ATP1A3: variants seen among roughly 807,000 people sequenced by gnomAD.
ATP1A3 encodes ATPase Na+/K+ transporting subunit alpha 3, also known as sodium/potassium-transporting ATPase subunit alpha-3.
In ATP1A3, 12 loss-of-function variants were observed where a neutral mutation model predicts 108.8. The ratio of observed to expected loss-of-function variants is 0.11; its 90% CI spans 0.07 to 0.18. The LOEUF (loss-of-function observed/expected upper bound fraction) is 0.18. ATP1A3 is among the 10% of genes least tolerant of loss of function. The pLI, the probability that ATP1A3 is intolerant of heterozygous loss-of-function variation, is 1.00. For missense variants in ATP1A3, 498 were observed against 1,387.7 expected, an observed-to-expected ratio of 0.36 and a Z score of 10.19; for synonymous variants, 539 against 564.5, an observed-to-expected ratio of 0.95 and a Z score of 0.64.
In ATP1A3 at chr19:41,985,460, G is replaced by C; in HGVS notation, c.607-37C>G. On this transcript the variant is annotated intron_variant, in intron 6 of 22. Transcript: ENST00000648268. The surrounding 1 kb of genome is among the most constrained non-coding windows in gnomAD (Gnocchi z 8.2). ...TGCAGCAGAGAGAGGGTTCAGTCCAGGGCCTGGGACAGGAGGGTATTTGTG... is the reference window on the plus strand; with the variant it reads ...TGCAGCAGAGAGAGGGTTCAGTCCACGGCCTGGGACAGGAGGGTATTTGTG... The C allele has an allele frequency of 1.3e-6, 2 of 1,576,630 alleles. No homozygotes were observed. The highest frequency in any genetic ancestry group is 1.7e-6 in the Non-Finnish European group (2 of 1,146,064).
At chr19:41,973,798 G>A (rs1284567765) in intron 16 of ATP1A3, among the ~76,000 whole-genome samples, 5 of 152,204 alleles carry the variant, frequency 3.3e-5, no homozygotes, top group South Asian at 4.1e-4. Flanking sequence ...CACAAGATTC[G>A]GAAGGAGCAG....
intron 8 of ATP1A3, among the ~76,000 whole-genome samples, chr19:41,983,036 T>C (rs1002009582): frequency 6.6e-6 from 1 of 152,192 alleles, no homozygotes; most frequent in African/African-American, 2.4e-5. Flanking sequence ...AAAAATCCAT[T>C]TGACATAGGG....
intron 1 of ATP1A3, 36 bp downstream of exon 1, chr19:41,994,035 C>T (rs1451224688): frequency 6.2e-7 from 1 of 1,609,126 alleles, no homozygotes; most frequent in Non-Finnish European, 8.5e-7. Context: ...CCCACAATGT[C>T]ACACGGAAGC....
intron 1 of ATP1A3, 192 bp downstream of exon 1, chr19:41,993,879 T>C (rs1045457700): frequency 2.1e-5 from 22 of 1,029,844 alleles, no homozygotes; most frequent in Non-Finnish European, 3.1e-5. Flanking sequence ...CATGCCAACG[T>C]GCGCCACAGA....
chr19:41,980,065 C>T (rs933841306), intron 11 of ATP1A3, among the ~76,000 whole-genome samples: 4 of 152,176 alleles, frequency 2.6e-5, no homozygotes, highest in African/African-American at 7.2e-5. Context: ...TGTTCAGATG[C>T]GTCAGCACAC....
chr19:41,977,983 C>T lies in ATP1A3; in HGVS notation c.1896G>A (p.Glu632=). The change falls in exon 14 of 23, where the codon GAG becomes GAA. Residue 632 remains glutamate, a synonymous_variant. Coordinates refer to ENST00000648268, the MANE Select transcript of ATP1A3 (RefSeq NM_152296.5). ...GIISEGNETV[E]DIAARLNIPV... is the part of the protein sequence containing the mutation. ...GAATGTTGAGCCGGGCGGCGATGTC[C>T]TCCACAGTCTCGTTGCCCTCAGAGA... 6.2e-7 allele frequency: 1 copy of T among 1,614,260 alleles called. No individual in the cohort carries two copies.
intron 16 of ATP1A3, 100 bp from the exon 17 acceptor site, chr19:41,970,642 T>A (rs1249813001): frequency 7.0e-7 from 1 of 1,420,254 alleles, no homozygotes; most frequent in Non-Finnish European, 9.5e-7. Flanking sequence ...TTTTTTTTTT[T>A]TTTTTTTGAG....
chr19:41,981,747 C>T lies in ATP1A3; in HGVS notation c.1277G>A (p.Gly426Asp), dbSNP rs2145971948. ...GLCNRAVFKG[G>D]QDNIPVLKRD... The stretch of plus-strand genomic sequence containing the variant: ...CTTGAGCACAGGGATGTTGTCCTGA[C>T]CACCCTTGAAGACAGCGCGATTGCA... The change falls in exon 10 of 23, where the codon GGT (glycine) becomes GAT (aspartate). Residue 426 changes from glycine to aspartate, a missense_variant. By Grantham distance (94) the Gly-to-Asp change is moderately conservative. Around this residue, in one of 9 missense-constraint regions of ATP1A3, gnomAD observed 36 missense variants for 58.7 expected, o/e 0.61. Coordinates refer to ENST00000648268, the MANE Select transcript of ATP1A3 (RefSeq NM_152296.5). This position sits in a 1 kb window ranked among gnomAD's most constrained non-coding sequence, Gnocchi z 5.0. 1.9e-6 allele frequency: 3 copies of T among 1,614,222 alleles called. No individual in the cohort carries two copies. Among genetic ancestry groups the T allele is most frequent in the Non-Finnish European group, 2.5e-6 (3 of 1,180,048 alleles).
rs538322017 is a variant in ATP1A3, at chr19:41,975,824, ACCCAGAGGCCAGTC to A, written c.2095-41_2095-28del. The A allele has an allele frequency of 1.4e-3, 2,212 of 1,613,596 alleles. 5 individuals are homozygous for A. The highest frequency in any genetic ancestry group is 1.7e-3 in the Non-Finnish European group (1,971 of 1,179,726). On this transcript the variant is annotated intron_variant, in intron 15 of 22. Coordinates refer to ENST00000648268, the MANE Select transcript of ATP1A3 (RefSeq NM_152296.5). ...TGGAGGGAGAGAGGGTAAGGATGAC[ACCCAGAGGCCAGTC>A]CCCAGAGTCCCCTCCCTCAGATCCA...
At chr19:41,984,647 G>C (rs2075269310) in intron 8 of ATP1A3, 2 of 442,950 alleles carry the variant, frequency 4.5e-6, no homozygotes, top group Admixed American at 3.8e-5. Flanking sequence ...ATTTTTGTTT[G>C]TTTCTTTCTT....
chr19:41,970,450 C>A lies in ATP1A3; in HGVS notation c.2356G>T (p.Ala786Ser). 6.2e-7 allele frequency: 1 copy of A among 1,613,978 alleles called. No individual in the cohort carries two copies. The highest frequency in any genetic ancestry group is 8.5e-7 in the Non-Finnish European group (1 of 1,179,978). The change falls in exon 17 of 23, where the codon GCC (alanine) becomes TCC (serine). Residue 786 changes from alanine (A) to serine (S), a missense_variant. Ala to Ser is a moderately conservative substitution (Grantham distance 99, BLOSUM62 1). This residue lies in a region of ATP1A3 where 121 missense variants were observed against 425.1 expected (regional missense o/e 0.28). Transcript: ENST00000648268. Reference sequence around the variant, plus strand: ...GTGCCCAGGGGCAGCGGGATGTTGGCCATGATGAACAGCAGGAAGGGCGTG... The same window carrying A: ...GTGCCCAGGGGCAGCGGGATGTTGGACATGATGAACAGCAGGAAGGGCGTG... ...EITPFLLFIMANIPLPLGTIT... is the reference protein window; with the variant it reads ...EITPFLLFIMSNIPLPLGTIT...
chr19:41,978,870 C>T lies in ATP1A3; in HGVS notation c.1438-72G>A, dbSNP rs1175863637. 2 of 1,537,410 alleles carry T rather than the reference C, an allele frequency of 1.3e-6. No homozygotes were observed. The highest frequency in any genetic ancestry group is 1.8e-6 in the Non-Finnish European group (2 of 1,119,274). ...GGAAGCTCCCTGCCCCATCCTGTCCCCTGTCCAGAGCCACGGGTGCCAGGA... is the reference window on the plus strand; with the variant it reads ...GGAAGCTCCCTGCCCCATCCTGTCCTCTGTCCAGAGCCACGGGTGCCAGGA... On this transcript the variant is annotated intron_variant, in intron 11 of 22. Transcript: ENST00000648268. The surrounding 1 kb of genome is among the most constrained non-coding windows in gnomAD (Gnocchi z 8.3).
chr19:41,973,651 C>T (rs561244591), intron 16 of ATP1A3, among the ~76,000 whole-genome samples: 1 of 152,304 alleles, frequency 6.6e-6, no homozygotes, highest in African/African-American at 2.4e-5. Context: ...ATCACAGCGG[C>T]CTGCTTTCTT....
At chr19:41,979,267 T>G (rs1217835498) in intron 11 of ATP1A3, among the ~76,000 whole-genome samples, 2 of 151,806 alleles carry the variant, frequency 1.3e-5, no homozygotes, top group Non-Finnish European at 2.9e-5. Flanking sequence ...CCTCTCAAAG[T>G]GCTGGGATAA....
At chr19:41,991,217 C>T (rs1441200749) in intron 1 of ATP1A3, among the ~76,000 whole-genome samples, 1 of 152,226 alleles carries the variant, frequency 6.6e-6, no homozygotes, top group Non-Finnish European at 1.5e-5. Context: ...CAGCGCGGCT[C>T]AGCGCTAATC....
intron 8 of ATP1A3, among the ~76,000 whole-genome samples, chr19:41,982,989 G>T (rs2075249955): frequency 6.6e-6 from 1 of 152,154 alleles, no homozygotes; most frequent in African/African-American, 2.4e-5. Context: ...CAAATCATCA[G>T]ACTATGTGCT....
In ATP1A3 at chr19:41,968,805, C is replaced by T. The variant is rs150417636; in HGVS notation, c.2799G>A (p.Ser933=). The T allele has an allele frequency of 5.6e-6, 9 of 1,613,988 alleles. No homozygotes were observed. The highest frequency in any genetic ancestry group is 2.2e-5 in the East Asian group (1 of 44,894). The change falls in exon 20 of 23, where the codon TCG becomes TCA. Residue 933 remains serine (S), a synonymous_variant. Coordinates refer to ENST00000648268, the MANE Select transcript of ATP1A3 (RefSeq NM_152296.5). The surrounding 1 kb of genome is among the most constrained non-coding windows in gnomAD (Gnocchi z 5.0). ...DLIICKTRRN[S]VFQQGMKNKI... ...CTCACTTCATGCCCTGCTGGAAGAC[C>T]GAGTTCCTCCGGGTCTTGCAGATGA... is the stretch of plus-strand genomic sequence containing the variant.
At chr19:41,969,709 A>G (rs1273128882) in intron 18 of ATP1A3, 129 bp from the exon 19 acceptor site, 12 of 1,341,422 alleles carry the variant, frequency 8.9e-6, no homozygotes, top group Admixed American at 5.5e-5. Context: ...TTATCTGGAC[A>G]TTGGTTCCCA....
rs782688554 is a variant in ATP1A3 at position 41,988,483 on chromosome 19, A to G, written c.86T>C (p.Val29Ala). 3.7e-6 allele frequency: 6 copies of G among 1,613,924 alleles called. No individual in the cohort carries two copies. The highest frequency in any genetic ancestry group is 2.7e-5 in the African/African-American group (2 of 74,854). The change falls in exon 2 of 23, where the codon GTG becomes GCG. Residue 29 changes from valine to alanine, a missense_variant. Transcript: ENST00000648268. The surrounding 1 kb of genome is among the most constrained non-coding windows in gnomAD (Gnocchi z 5.3). Reference protein sequence around the residue: ...RRDLDDLKKEVAMTEHKMSVE... With the variant: ...RRDLDDLKKEAAMTEHKMSVE... Reference sequence around the variant, plus strand: ...GCAGAGGGCGAGGCTTACCATAGCCACCTCCTTCTTGAGGTCATCCAGGTC... The same window carrying G: ...GCAGAGGGCGAGGCTTACCATAGCCGCCTCCTTCTTGAGGTCATCCAGGTC...
Sources: gnomAD v4.1 joint callset for allele counts (sites outside exome capture counted in the v4.1 genomes callset) on GRCh38, gnomAD v4.1.1 for gene constraint, gnomAD v4.1.1 regional missense constraint, Gnocchi (gnomAD v3.1) non-coding constraint, MANE v1.5 for transcripts, NCBI Gene and HGNC (gene_info 2026-07-23, HGNC 2026-07-21) for gene names.